Variants in ARHGEF38 observed in about 807,000 individuals in gnomAD.
ARHGEF38 encodes the protein Rho guanine nucleotide exchange factor 38, also known as Rho guanine nucleotide exchange factor (GEF) 38.
In ARHGEF38, 79 loss-of-function variants were observed where a neutral mutation model predicts 79.9. That is an observed-to-expected ratio of 0.99 (90% confidence interval 0.82 to 1.19). The LOEUF (loss-of-function observed/expected upper bound fraction) is 1.19. Among genes scored for constraint, ARHGEF38 ranks in the 50% most tolerant of loss-of-function variants. The probability of loss-of-function intolerance (pLI) is 0.00; values close to 1 mark genes in which losing one functional copy is unlikely to be tolerated. For missense variants in ARHGEF38, 962 were observed against 907.2 expected (o/e 1.06, Z -0.78); for synonymous variants, 366 against 328.3 (o/e 1.11, Z -1.24).
At chr4:105,568,542 T>G (rs1291634061) in intron 1 of ARHGEF38, among the ~76,000 whole-genome samples, 1 of 152,256 alleles carries the variant, frequency 6.6e-6, no homozygotes, top group Admixed American at 6.5e-5. Flanking sequence ...TAAAGTTTTT[T>G]AACTCCAAAG....
intron 12 of ARHGEF38, 37 bp downstream of exon 12, chr4:105,667,364 CTG>C (rs1338980509): frequency 1.8e-5 from 28 of 1,533,106 alleles, no homozygotes; most frequent in Admixed American, 1.2e-4. Flanking sequence ...CTTCTTTAAA[CTG>C]AGATTTTTCT....
At position 105,636,385 on chromosome 4, in the gene ARHGEF38, C is replaced by T; in HGVS notation, c.657-18C>T. 2.4e-6 allele frequency: 1 copy of T among 420,548 alleles called. No homozygotes were observed. The highest frequency in any genetic ancestry group is 3.6e-6 in the Non-Finnish European group (1 of 276,380). 26.1% of individuals were successfully genotyped at this position (420,548 alleles called of 1,614,324 possible). On this transcript the variant is annotated intron_variant, in intron 4 of 13. Transcript: ENST00000420470. ...ATACAGATTTACATGAATTTACTTT[C>T]TTTTTCTTCTCTTACAGGAAAATAT...
intron 1 of ARHGEF38, among the ~76,000 whole-genome samples, chr4:105,588,487 C>G (rs72669960): frequency 0.05 from 7,562 of 152,296 alleles, 232 homozygotes; most frequent in Middle Eastern, 0.14. Flanking sequence ...TTACATTGCT[C>G]TGGGGAGCTC....
chr4:105,645,081 GA>G (rs879212627), intron 5 of ARHGEF38, 106 bp from the exon 6 acceptor site: 16 of 903,306 alleles, frequency 1.8e-5, no homozygotes, highest in Non-Finnish European at 2.2e-5. Context: ...ATATACAAAT[GA>G]AAAAAAGAGA....
At chr4:105,636,698 G>A (rs1168491617) in intron 5 of ARHGEF38, among the ~76,000 whole-genome samples, 2 of 151,986 alleles carry the variant, frequency 1.3e-5, no homozygotes, top group African/African-American at 4.8e-5. Context: ...TCATACATAT[G>A]TTTGGGAATC....
At chr4:105,631,655 T>A (rs559114756) in intron 4 of ARHGEF38, 1 of 984,326 alleles carries the variant, frequency 1.0e-6, no homozygotes, top group African/African-American at 1.7e-5. Context: ...AAAGTATGTG[T>A]AAGATAAAAA....
intron 13 of ARHGEF38, among the ~76,000 whole-genome samples, chr4:105,672,938 T>C (rs1351034051): frequency 6.6e-6 from 1 of 152,188 alleles, no homozygotes; most frequent in East Asian, 1.9e-4. Context: ...GCTGTTTGCT[T>C]CTTCAAAGTC....
chr4:105,630,896 A>G lies in ARHGEF38; in HGVS notation c.509-2A>G. 3.1e-6 allele frequency: 5 copies of G among 1,603,278 alleles called. No homozygotes were observed. Among genetic ancestry groups the G allele is most frequent in the Non-Finnish European group, 4.2e-6 (5 of 1,176,706 alleles). On this transcript the variant is annotated splice_acceptor_variant, in intron 3 of 13. Transcript: ENST00000420470. LOFTEE classifies it high-confidence loss of function. ...ATTTTGCCTTTGTTTTGCATTTATC[A>G]GGAGAAGTATTCTTGCAGATTAAAG...
At chr4:105,618,694 A>G (rs1391006783) in intron 3 of ARHGEF38, among the ~76,000 whole-genome samples, 2 of 152,220 alleles carry the variant, frequency 1.3e-5, no homozygotes, top group Non-Finnish European at 2.9e-5. Context: ...TATTGCAGAC[A>G]AAATCTACTG....
intron 1 of ARHGEF38, among the ~76,000 whole-genome samples, chr4:105,553,448 G>A (rs1156253072): frequency 1.3e-5 from 2 of 152,170 alleles, no homozygotes; most frequent in African/African-American, 4.8e-5. Flanking sequence ...GACAAAGAAG[G>A]AATGTTATAG....
intron 1 of ARHGEF38, among the ~76,000 whole-genome samples, chr4:105,554,804 A>G (rs934808663): frequency 1.3e-5 from 2 of 152,150 alleles, no homozygotes; most frequent in South Asian, 2.1e-4. Context: ...AATGGGTACC[A>G]TAATGATAAA....
chr4:105,631,546 C>T (rs1729194328), intron 4 of ARHGEF38: 2 of 985,302 alleles, frequency 2.0e-6, no homozygotes, highest in African/African-American at 3.5e-5. Flanking sequence ...CTCATGCCTT[C>T]CTTTCTCATC....
chr4:105,607,424 C>A (rs1398665709), intron 2 of ARHGEF38, among the ~76,000 whole-genome samples: 1 of 152,026 alleles, frequency 6.6e-6, no homozygotes, highest in Non-Finnish European at 1.5e-5. Context: ...GTGCATTGTA[C>A]AGATTCAATT....
At chr4:105,563,890 T>C (rs572389918) in intron 1 of ARHGEF38, among the ~76,000 whole-genome samples, 86 of 152,320 alleles carry the variant, frequency 5.6e-4, no homozygotes, top group African/African-American at 1.9e-3. Flanking sequence ...TAGAAAGATA[T>C]GTACTTGCAT....
chr4:105,555,431 T>G (rs1725207252), intron 1 of ARHGEF38, among the ~76,000 whole-genome samples: 1 of 152,162 alleles, frequency 6.6e-6, no homozygotes, highest in Non-Finnish European at 1.5e-5. Context: ...AAGCAATCAG[T>G]TCTGTGCGTT....
At chr4:105,615,760 GTAA>G (rs1728486123) in intron 3 of ARHGEF38, among the ~76,000 whole-genome samples, 1 of 152,146 alleles carries the variant, frequency 6.6e-6, no homozygotes, top group Non-Finnish European at 1.5e-5. Flanking sequence ...GTAACACATG[GTAA>G]ACTCTGAAAC....
At chr4:105,573,035 C>A (rs959803272) in intron 1 of ARHGEF38, among the ~76,000 whole-genome samples, 8 of 134,938 alleles carry the variant, frequency 5.9e-5, no homozygotes, top group Non-Finnish European at 9.4e-5. Flanking sequence ...TGTATATTTT[C>A]TTTGGAGAAA....
intron 7 of ARHGEF38, among the ~76,000 whole-genome samples, chr4:105,652,983 T>C (rs1730168155): frequency 6.6e-6 from 1 of 152,318 alleles, no homozygotes; most frequent in South Asian, 2.1e-4. Context: ...TATCACCCAG[T>C]GCCAAGCTTA....
intron 3 of ARHGEF38, among the ~76,000 whole-genome samples, chr4:105,618,433 C>T: frequency 6.6e-6 from 1 of 152,074 alleles, no homozygotes; most frequent in Admixed American, 6.5e-5. Context: ...ACCAGCCTGA[C>T]CAACATGGTG....
Sources: gnomAD v4.1 joint callset for allele counts (sites outside exome capture counted in the v4.1 genomes callset) on GRCh38, gnomAD v4.1.1 for gene constraint, MANE v1.5 for transcripts, NCBI Gene and HGNC (gene_info 2026-07-23, HGNC 2026-07-21) for gene names.